PCDH11X: variants seen among roughly 807,000 people sequenced by gnomAD.
PCDH11X encodes the protein protocadherin 11 X-linked.
In PCDH11X, 18 loss-of-function variants were observed where a neutral mutation model predicts 53.3. That is an observed-to-expected ratio of 0.34 (90% confidence interval 0.23 to 0.50). The LOEUF is 0.50. Ranked by LOEUF, PCDH11X falls within the 20% of genes least tolerant of loss-of-function variation. The probability of loss-of-function intolerance (pLI) is 0.98; values close to 1 mark genes in which losing one functional copy is unlikely to be tolerated. For missense variants in PCDH11X, 570 were observed against 1,032.4 expected, an observed-to-expected ratio of 0.55 and a Z score of 6.14; for synonymous variants, 279 against 393.3, an observed-to-expected ratio of 0.71 and a Z score of 3.44.
chrX:92,285,453 A>G (rs1425291421), intron 8 of PCDH11X, among the ~76,000 whole-genome samples: 1 of 109,246 alleles, frequency 9.2e-6, no homozygotes, highest in Non-Finnish European at 1.9e-5. Context: ...GGGTTTCTCC[A>G]TGTTGGTCAG....
At chrX:91,855,353 A>T (rs1426735432) in intron 5 of PCDH11X, among the ~76,000 whole-genome samples, 4 of 111,169 alleles carry the variant, frequency 3.6e-5, no homozygotes, top group African/African-American at 1.3e-4. Context: ...TTCCATTGGT[A>T]TATGTGTCTG....
At chrX:92,020,784 G>A (rs1357965015) in intron 6 of PCDH11X, among the ~76,000 whole-genome samples, 1 of 110,899 alleles carries the variant, frequency 9.0e-6, no homozygotes, top group Non-Finnish European at 1.9e-5. Flanking sequence ...TATTCAGGAG[G>A]GTACATACTG....
At chrX:92,092,552 G>A (rs1260493067) in intron 6 of PCDH11X, among the ~76,000 whole-genome samples, 2 of 111,165 alleles carry the variant, frequency 1.8e-5, no homozygotes, top group Non-Finnish European at 3.8e-5. Flanking sequence ...GGTTGGAAAG[G>A]CAAGACAACT....
chrX:92,140,905 A>G lies in PCDH11X; in HGVS notation c.3034-60470A>G, dbSNP rs1413598432. 2.7e-5 allele frequency among the ~76,000 whole-genome samples: 3 copies of G among 111,763 alleles called. No homozygotes were observed. In the Admixed American group the frequency reaches 2.9e-4, roughly 11 times the overall value. On this transcript the variant is annotated intron_variant, in intron 6 of 10. Coordinates refer to ENST00000682573, the MANE Select transcript of PCDH11X (RefSeq NM_032968.5). The stretch of plus-strand genomic sequence containing the variant: ...ACTAATAAATATGTATTTTGCTTTC[A>G]TAGTTACAGATAAAAGTTGACGAGT...
intron 8 of PCDH11X, among the ~76,000 whole-genome samples, chrX:92,365,065 A>T (rs749171833): frequency 1.2e-5 from 1 of 80,426 alleles, no homozygotes; most frequent in Non-Finnish European, 2.5e-5. Context: ...CAAAATAATC[A>T]ATATCGCTCT....
At chrX:91,895,206 G>C (rs1004982920) in intron 6 of PCDH11X, among the ~76,000 whole-genome samples, 48 of 111,614 alleles carry the variant, frequency 4.3e-4, no homozygotes, top group African/African-American at 1.6e-3. Flanking sequence ...CTGAGCGGTG[G>C]TCACTGTACT....
chrX:92,102,895 G>C (rs748697210), intron 6 of PCDH11X, among the ~76,000 whole-genome samples: 1 of 111,598 alleles, frequency 9.0e-6, no homozygotes, highest in African/African-American at 3.3e-5. Flanking sequence ...ATGGGGAAAT[G>C]GTAAGGAGAG....
intron 7 of PCDH11X, among the ~76,000 whole-genome samples, chrX:92,220,309 G>A (rs1047943628): frequency 2.4e-5 from 2 of 82,856 alleles, no homozygotes; most frequent in Admixed American, 1.4e-4. Context: ...TCTGACAAAG[G>A]GCTAATATCT....
intron 6 of PCDH11X, among the ~76,000 whole-genome samples, chrX:91,889,575 A>G (rs1940382949): frequency 1.8e-5 from 2 of 112,395 alleles, no homozygotes; most frequent in South Asian, 7.3e-4. Context: ...AGCCTCCCAA[A>G]GTGCTGGGAT....
At chrX:92,366,196 C>T (rs912702294) in intron 8 of PCDH11X, among the ~76,000 whole-genome samples, 16 of 111,821 alleles carry the variant, frequency 1.4e-4, no homozygotes, top group Non-Finnish European at 2.8e-4. Context: ...GATTCGACTT[C>T]TTCCTGGTTT....
At chrX:92,276,209 G>T (rs1180485570) in intron 8 of PCDH11X, among the ~76,000 whole-genome samples, 1 of 108,242 alleles carries the variant, frequency 9.2e-6, no homozygotes, top group Non-Finnish European at 1.9e-5. Flanking sequence ...AGGTAATGTG[G>T]AGTGGGTAGC....
chrX:92,095,490 G>A (rs2064120259), intron 6 of PCDH11X, among the ~76,000 whole-genome samples: 1 of 110,675 alleles, frequency 9.0e-6, no homozygotes, highest in South Asian at 3.8e-4. Flanking sequence ...CCAAAGGAAG[G>A]AATTTGCATT....
chrX:92,412,544 T>TAG (rs1569482947), intron 9 of PCDH11X, among the ~76,000 whole-genome samples: 20 of 89,871 alleles, frequency 2.2e-4, no homozygotes, highest in Admixed American at 6.3e-4. Flanking sequence ...TATATATATA[T>TAG]ATATATATAT....
chrX:92,330,806 A>T (rs1402654669), intron 8 of PCDH11X, among the ~76,000 whole-genome samples: 5 of 106,640 alleles, frequency 4.7e-5, no homozygotes, highest in African/African-American at 1.7e-4. Context: ...ATGAAGCCAG[A>T]TACCAAACAA....
At chrX:92,164,305 G>A (rs1394663272) in intron 6 of PCDH11X, among the ~76,000 whole-genome samples, 1 of 112,205 alleles carries the variant, frequency 8.9e-6, no homozygotes, top group Non-Finnish European at 1.9e-5. Context: ...GTACAGGTTT[G>A]CTGATATAAA....
chrX:92,395,936 T>C (rs1250485562), intron 9 of PCDH11X, among the ~76,000 whole-genome samples: 5 of 99,751 alleles, frequency 5.0e-5, no homozygotes, highest in African/African-American at 1.9e-4. Context: ...TTATATGTGA[T>C]GAGGCCCTTT....
chrX:92,221,821 C>A (rs969251888), intron 7 of PCDH11X, among the ~76,000 whole-genome samples: 28 of 105,493 alleles, frequency 2.7e-4, no homozygotes, highest in East Asian at 6.7e-4. Context: ...AATTTCAGAG[C>A]AAACCATTTT....
intron 6 of PCDH11X, among the ~76,000 whole-genome samples, chrX:92,091,375 G>A (rs1273662249): frequency 9.1e-6 from 1 of 110,158 alleles, no homozygotes; most frequent in Non-Finnish European, 1.9e-5. Context: ...TCTGTGGTCA[G>A]ACATGCCTAT....
intron 9 of PCDH11X, among the ~76,000 whole-genome samples, chrX:92,441,701 T>G (rs1246429681): frequency 8.9e-6 from 1 of 112,200 alleles, no homozygotes; most frequent in Non-Finnish European, 1.9e-5. Flanking sequence ...AGCACCCTCA[T>G]GAAGAACCTC....
Sources: allele counts gnomAD v4.1 joint callset (sites outside exome capture counted in the v4.1 genomes callset), GRCh38; gene constraint gnomAD v4.1.1; transcripts MANE v1.5; gene names NCBI Gene and HGNC (gene_info 2026-07-23, HGNC 2026-07-21).